Variants in U2SURP observed in about 807,000 individuals in gnomAD.
U2SURP encodes U2 snRNP associated SURP domain containing, also known as U2 snRNP-associated SURP motif-containing protein.
Under a neutral mutation model 144.9 loss-of-function variants are expected in U2SURP, and 9 were observed. The ratio of observed to expected loss-of-function variants is 0.06; its 90% confidence interval spans 0.04 to 0.11. The LOEUF is 0.11. Among genes scored for constraint, U2SURP ranks in the 10% least tolerant of loss-of-function variants. The probability of loss-of-function intolerance (pLI) is 1.00; values close to 1 mark genes in which losing one functional copy is unlikely to be tolerated. For synonymous variants in U2SURP, 408 were observed against 396.8 expected, an observed-to-expected ratio of 1.03 and a Z score of -0.33; for missense variants, 724 against 1,226.7, an observed-to-expected ratio of 0.59 and a Z score of 6.12.
intron 6 of U2SURP, 65 bp from the exon 7 acceptor site, chr3:143,019,904 T>C: frequency 3.5e-6 from 3 of 860,068 alleles, no homozygotes; most frequent in Non-Finnish European, 5.1e-6. Flanking sequence ...AAAAGGCTCT[T>C]ATTATTGAAT....
intron 14 of U2SURP, among the ~76,000 whole-genome samples, chr3:143,027,784 T>A (rs576943854): frequency 3.3e-5 from 5 of 152,212 alleles, no homozygotes; most frequent in Non-Finnish European, 7.4e-5. Flanking sequence ...AAGACAGTTT[T>A]AGTAATCAGA....
intron 5 of U2SURP, 94 bp from the exon 6 acceptor site, chr3:143,016,747 TA>T: frequency 8.8e-7 from 1 of 1,133,076 alleles, no homozygotes; most frequent in East Asian, 2.8e-5. Context: ...ATCTTAATAC[TA>T]AAAGCATTTT....
At chr3:143,014,647 T>C (rs1244277033) in intron 4 of U2SURP, among the ~76,000 whole-genome samples, 1 of 152,088 alleles carries the variant, frequency 6.6e-6, no homozygotes, top group Non-Finnish European at 1.5e-5. Context: ...TCTATTCTTT[T>C]TGTATAAGTA....
At chr3:143,001,914 C>G (rs1386707170) in intron 1 of U2SURP, among the ~76,000 whole-genome samples, 1 of 152,248 alleles carries the variant, frequency 6.6e-6, no homozygotes, top group Non-Finnish European at 1.5e-5. Flanking sequence ...TGCTTCGGCC[C>G]GCGCTTGGCA....
At chr3:143,024,649 A>T (rs1933028290) in intron 13 of U2SURP, 1 of 254,190 alleles carries the variant, frequency 3.9e-6, no homozygotes, top group African/African-American at 2.3e-5. Flanking sequence ...TGCTCAGTCA[A>T]GCTAAGCCTT....
At position 143,013,607 on chromosome 3, in the gene U2SURP, GTAAC is replaced by G. The variant is rs4030583; in HGVS notation, c.223-702_223-699del. On this transcript the variant is annotated intron_variant, in intron 3 of 27. Transcript: ENST00000473835. ...CCTTTTAAGTTTATAAATCAAATGA[GTAAC>G]TGACTGAACAAAAAGGTCTACAGAC... Among the ~76,000 whole-genome samples, 1,053 of 152,078 alleles carry G rather than the reference GTAAC, an allele frequency of 6.9e-3. 5 individuals carry two copies. The highest frequency in any genetic ancestry group is 0.023 in the African/African-American group (941 of 41,540).
At position 143,012,301 on chromosome 3, in the gene U2SURP, A is replaced by G. The variant is rs1465944994; in HGVS notation, c.170A>G (p.Asn57Ser). 4.3e-6 allele frequency: 7 copies of G among 1,613,338 alleles called. No individual in the cohort carries two copies. In the South Asian group the frequency reaches 7.7e-5, roughly 18 times the overall value. ...PKSPRKHNYR[N>S]ESARESLCDS... ...AGCCCAAGAAAACATAATTATAGGAATGAAAGTGCCCGTGAAAGCCTTTGT... is the reference window on the plus strand; with the variant it reads ...AGCCCAAGAAAACATAATTATAGGAGTGAAAGTGCCCGTGAAAGCCTTTGT... Residue 57 changes from asparagine (N) to serine (S), a missense_variant, in exon 3 of 28, where the codon AAT (asparagine) becomes AGT (serine). Coordinates refer to ENST00000473835, the MANE Select transcript of U2SURP (RefSeq NM_001080415.2).
In U2SURP at chr3:143,060,397, T is replaced by G. The variant is rs1560215448; in HGVS notation, c.*3947T>G. Reference sequence around the variant, plus strand: ...ATTTACTTACTTTTAATGTAAGGATTAGATTTATTGTTGAGCTGCTTTCCA... The same window carrying G: ...ATTTACTTACTTTTAATGTAAGGATGAGATTTATTGTTGAGCTGCTTTCCA... On this transcript the variant is annotated 3_prime_UTR_variant, in exon 28 of 28. Transcript: ENST00000473835. 6.6e-6 allele frequency: 1 copy of G among 152,002 alleles called. No individual in the cohort carries two copies. The highest frequency in any genetic ancestry group is 1.5e-5 in the Non-Finnish European group (1 of 67,890). The allele number at this position is 152,002 out of a possible 1,614,324, so 9.4% of individuals were successfully genotyped here.
chr3:143,021,585 A>T, intron 10 of U2SURP, 30 bp downstream of exon 10: 2 of 1,578,634 alleles, frequency 1.3e-6, no homozygotes, highest in Non-Finnish European at 1.7e-6. Context: ...ATGTTGATTG[A>T]TATGCTTTAT....
intron 2 of U2SURP, 155 bp from the exon 3 acceptor site, chr3:143,012,067 T>C (rs761876217): frequency 1.0e-6 from 1 of 993,392 alleles, no homozygotes; most frequent in Non-Finnish European, 1.5e-6. Context: ...TTAAGAACTT[T>C]TTTGGTGAAA....
At chr3:143,055,288 A>C (rs1431706342) in intron 27 of U2SURP, among the ~76,000 whole-genome samples, 169 bp downstream of exon 27, 1 of 151,882 alleles carries the variant, frequency 6.6e-6, no homozygotes, top group Non-Finnish European at 1.5e-5. Flanking sequence ...TCCTCATCCC[A>C]ATCTCTTTCA....
chr3:143,029,260 T>A (rs1162397923), intron 16 of U2SURP, among the ~76,000 whole-genome samples: 2 of 152,224 alleles, frequency 1.3e-5, no homozygotes, highest in Non-Finnish European at 2.9e-5. Context: ...ACATACTTAG[T>A]TTTATTGCGC....
intron 24 of U2SURP, among the ~76,000 whole-genome samples, chr3:143,047,082 G>A (rs1934525913): frequency 8.3e-6 from 1 of 119,890 alleles, no homozygotes; most frequent in Non-Finnish European, 1.7e-5. Context: ...CGGGGCGGCT[G>A]GCCGGGCAGA....
intron 13 of U2SURP, 39 bp downstream of exon 13, chr3:143,024,057 A>G (rs371660649): frequency 6.3e-5 from 96 of 1,535,582 alleles, no homozygotes; most frequent in Non-Finnish European, 7.8e-5. Context: ...CTAAATATAG[A>G]CAATATCCCC....
At chr3:143,031,897 C>G (rs957065303) in intron 16 of U2SURP, among the ~76,000 whole-genome samples, 8 of 152,100 alleles carry the variant, frequency 5.3e-5, no homozygotes, top group African/African-American at 1.9e-4. Flanking sequence ...CACTGTAATC[C>G]TAGGATCTGC....
At position 143,023,090 on chromosome 3, in the gene U2SURP, C is replaced by T. The variant is rs531823750; in HGVS notation, c.1230+26C>T. ...GTAATTTAAAAAATGGACATAAGGC[C>T]GCATCTAATTTGTAAATACTAAAGC... On this transcript the variant is annotated intron_variant, in intron 12 of 27. Coordinates refer to ENST00000473835, the MANE Select transcript of U2SURP (RefSeq NM_001080415.2). The T allele has an allele frequency of 1.9e-5, 29 of 1,534,096 alleles. No individual in the cohort carries two copies. The South Asian group carries it at 2.3e-4, about 12-fold the overall frequency.
chr3:143,046,675 T>C (rs1253362484), intron 24 of U2SURP, among the ~76,000 whole-genome samples: 1 of 107,888 alleles, frequency 9.3e-6, no homozygotes, highest in Non-Finnish European at 1.8e-5. Context: ...GGCAAAAGAA[T>C]TTTTCTTAGT....
Position 143,001,705 on chromosome 3 carries a change from G to A in U2SURP, c.45+32G>A, listed in dbSNP as rs766223687. The A allele has an allele frequency of 2.5e-6, 4 of 1,612,836 alleles. No homozygotes were observed. The African/African-American group carries it at 4.0e-5, about 16-fold the overall frequency. ...TCTGACAAAATTTCGTAAGTCAGCG[G>A]ATCTACCACTGTCGTTTGGGGCCCA... On this transcript the variant is annotated intron_variant, in intron 1 of 27. Transcript: ENST00000473835.
At chr3:143,043,033 C>T in intron 23 of U2SURP, 84 bp from the exon 24 acceptor site, 1 of 1,315,948 alleles carries the variant, frequency 7.6e-7, no homozygotes, top group Non-Finnish European at 1.0e-6. Context: ...AGCTCTAAGA[C>T]AATGAAAAAT....
Sources: allele counts gnomAD v4.1 joint callset (sites outside exome capture counted in the v4.1 genomes callset), GRCh38; gene constraint gnomAD v4.1.1; transcripts MANE v1.5; gene names NCBI Gene and HGNC (gene_info 2026-07-23, HGNC 2026-07-21).